MMRN2: variants seen among roughly 807,000 people sequenced by gnomAD.
MMRN2 encodes the protein multimerin-2.
Under a neutral mutation model 68.8 loss-of-function variants are expected in MMRN2, and 53 were observed. That is an observed-to-expected ratio of 0.77 (90% CI 0.62 to 0.97). The LOEUF (loss-of-function observed/expected upper bound fraction) is 0.97. Among genes scored for constraint, MMRN2 ranks in the 50% least tolerant of loss-of-function variants. The pLI, the probability that MMRN2 is intolerant of heterozygous loss-of-function variation, is 0.00. For synonymous variants in MMRN2, 564 were observed against 551.6 expected (o/e 1.02, Z -0.32); for missense variants, 1,266 against 1,259.5 (o/e 1.01, Z -0.08).
At position 86,942,746 on chromosome 10, in the gene MMRN2, G is replaced by A; in HGVS notation, c.2038C>T (p.Pro680Ser). 4 of 1,393,822 alleles carry A rather than the reference G, an allele frequency of 2.9e-6. No individual in the cohort carries two copies. Among genetic ancestry groups the A allele is most frequent in the Non-Finnish European group, 3.7e-6 (4 of 1,081,884 alleles). 86.3% of individuals were successfully genotyped at this position (1,393,822 alleles called of 1,614,324 possible). A position where few individuals can be genotyped will look rare whatever the true frequency, so the allele number is the denominator to read the frequency against. ...TCCTCGCGGCCCGCGTCGTGGCTGG[G>A]CTCCAGGTGCTCTGCCGGCCGCGGG... ...EPPRPAEHLEPSHDAGREEAA... is the reference protein window; with the variant it reads ...EPPRPAEHLESSHDAGREEAA... Residue 680 changes from proline (P) to serine (S), a missense_variant, in exon 6 of 7, where the codon CCC becomes TCC. Physicochemically the swap from Pro to Ser is moderately conservative, Grantham distance 74. Transcript: ENST00000372027.
In MMRN2 at chr10:86,943,415, T is replaced by A. The variant is rs1396964301; in HGVS notation, c.1369A>T (p.Met457Leu). The change falls in exon 6 of 7, where the codon ATG becomes TTG. Residue 457 changes from methionine (M) to leucine (L), a missense_variant. By Grantham distance (15) the Met-to-Leu change is conservative. Coordinates refer to ENST00000372027, the MANE Select transcript of MMRN2 (RefSeq NM_024756.3). This position sits in a 1 kb window ranked among gnomAD's most constrained non-coding sequence, Gnocchi z 4.2. ...TCCACCTCCTCCTTGTTCTCCTCCA[T>A]GATCAGAGACTTCTCCATCAGGATC... ...RVILMEKSLI[M>L]EENKEEVERQ... 1.5e-5 allele frequency: 25 copies of A among 1,613,996 alleles called. No homozygotes were observed. Among genetic ancestry groups the A allele is most frequent in the Non-Finnish European group, 2.0e-5 (24 of 1,179,994 alleles).
chr10:86,950,692 A>G (rs1179053193), intron 1 of MMRN2, among the ~76,000 whole-genome samples: 3 of 152,172 alleles, frequency 2.0e-5, no homozygotes, highest in African/African-American at 7.2e-5. Flanking sequence ...GAATGAGTGT[A>G]GAGAGCAGAT....
In MMRN2 at chr10:86,942,539, G is replaced by A. The variant is rs776475051; in HGVS notation, c.2245C>T (p.Arg749Trp). 5 of 1,613,496 alleles carry A rather than the reference G, an allele frequency of 3.1e-6. No individual in the cohort carries two copies. In the South Asian group the frequency reaches 4.4e-5, roughly 14 times the overall value. The change falls in exon 6 of 7, where the codon CGG (arginine) becomes TGG (tryptophan). Residue 749 changes from arginine (R) to tryptophan (W), a missense_variant. Physicochemically the swap from Arg to Trp is moderately radical, Grantham distance 101. Coordinates refer to ENST00000372027, the MANE Select transcript of MMRN2 (RefSeq NM_024756.3). ...TTCCCAAAGAGGCTGTGGAAGAGCC[G>A]CTGGTGCTGCTCCAAGCTGCGCTGA... ...ATQRSLEQHQRLFHSLFGNFQ... is the reference protein window; with the variant it reads ...ATQRSLEQHQWLFHSLFGNFQ...
At chr10:86,941,508 T>C (rs1029769818) in intron 6 of MMRN2, among the ~76,000 whole-genome samples, 1 of 152,010 alleles carries the variant, frequency 6.6e-6, no homozygotes. Flanking sequence ...TGCAAGAAAC[T>C]GAAATCAAGG....
At chr10:86,942,029 A>G (rs1843978661) in intron 6 of MMRN2, among the ~76,000 whole-genome samples, 1 of 152,066 alleles carries the variant, frequency 6.6e-6, no homozygotes, top group South Asian at 2.1e-4. Flanking sequence ...CCCTCTCTGT[A>G]GCAGGAGCAG....
chr10:86,941,706 G>A (rs1482714764), intron 6 of MMRN2, among the ~76,000 whole-genome samples: 3 of 151,250 alleles, frequency 2.0e-5, no homozygotes, highest in Non-Finnish European at 4.4e-5. Context: ...GGCTGAAGTG[G>A]GAGGATCAGC....
chr10:86,947,496 G>A (rs1461123347), intron 1 of MMRN2, among the ~76,000 whole-genome samples: 1 of 151,976 alleles, frequency 6.6e-6, no homozygotes, highest in Middle Eastern at 3.2e-3. Flanking sequence ...AGCCTCCCAA[G>A]TGGGCTGGGA....
chr10:86,947,863 C>A (rs1217812711), intron 1 of MMRN2, among the ~76,000 whole-genome samples: 1 of 152,176 alleles, frequency 6.6e-6, no homozygotes, highest in Non-Finnish European at 1.5e-5. Flanking sequence ...TATTCATACA[C>A]CCCAGCTTCC....
chr10:86,935,615 C>T lies in MMRN2; in HGVS notation c.*1128G>A, dbSNP rs1227870442. The T allele has an allele frequency of 6.6e-6, 1 of 152,208 alleles. No individual in the cohort carries two copies. The highest frequency in any genetic ancestry group is 1.9e-4 in the East Asian group (1 of 5,196). The allele number at this position is 152,208 out of a possible 1,614,324, so 9.4% of individuals were successfully genotyped here. ...TTACAGTCTTCTTTCCCTCCTCCCT[C>T]AGCTGCCTCCTGGTTAGAGATGCTA... On this transcript the variant is annotated 3_prime_UTR_variant, in exon 7 of 7. Coordinates refer to ENST00000372027, the MANE Select transcript of MMRN2 (RefSeq NM_024756.3).
intron 6 of MMRN2, among the ~76,000 whole-genome samples, chr10:86,939,731 C>T (rs1252011552): frequency 1.3e-5 from 2 of 151,898 alleles, no homozygotes; most frequent in Non-Finnish European, 2.9e-5. Context: ...GCTGTGCAAA[C>T]TCAGAGTGTG....
rs780740666 is a variant in MMRN2 at position 86,942,731 on chromosome 10, C to T, written c.2053G>A (p.Gly685Ser). Reference protein sequence around the residue: ...AEHLEPSHDAGREEAATTALA... With the variant: ...AEHLEPSHDASREEAATTALA... ...GCGGTGGTGGCGGCCTCCTCGCGGCCCGCGTCGTGGCTGGGCTCCAGGTGC... is the reference window on the plus strand; with the variant it reads ...GCGGTGGTGGCGGCCTCCTCGCGGCTCGCGTCGTGGCTGGGCTCCAGGTGC... The change falls in exon 6 of 7, where the codon GGC (glycine) becomes AGC (serine). Residue 685 changes from glycine (G) to serine (S), a missense_variant. Transcript: ENST00000372027. 15 of 1,430,000 alleles carry T rather than the reference C, an allele frequency of 1.0e-5. No individual in the cohort carries two copies. Among genetic ancestry groups the T allele is most frequent in the South Asian group, 1.5e-5 (1 of 67,056 alleles). The allele number at this position is 1,430,000 out of a possible 1,614,324, so 88.6% of individuals were successfully genotyped here. A position where few individuals can be genotyped will look rare whatever the true frequency, so the allele number is the denominator to read the frequency against.
At chr10:86,952,839 T>G (rs1844163550) in intron 1 of MMRN2, among the ~76,000 whole-genome samples, 1 of 152,168 alleles carries the variant, frequency 6.6e-6, no homozygotes, top group Admixed American at 6.5e-5. Flanking sequence ...CTGGTAAGCC[T>G]GAGGGTACTG....
chr10:86,952,626 G>T (rs1460101288), intron 1 of MMRN2, among the ~76,000 whole-genome samples: 1 of 152,186 alleles, frequency 6.6e-6, no homozygotes. Context: ...CAGGGAGTAG[G>T]TCACATGCTT....
intron 6 of MMRN2, among the ~76,000 whole-genome samples, chr10:86,937,918 G>A (rs1018899515): frequency 3.3e-5 from 5 of 152,034 alleles, no homozygotes; most frequent in African/African-American, 9.7e-5. Context: ...TGGAGCCAGG[G>A]AAGAGAAGCC....
chr10:86,956,859 T>G (rs1844243108), intron 1 of MMRN2, among the ~76,000 whole-genome samples: 1 of 152,214 alleles, frequency 6.6e-6, no homozygotes, highest in Non-Finnish European at 1.5e-5. Context: ...CTGGGTCCAG[T>G]TGCAAGACCA....
chr10:86,945,760 A>G (rs1844058445), intron 1 of MMRN2, 71 bp from the exon 2 acceptor site: 1 of 1,606,528 alleles, frequency 6.2e-7, no homozygotes, highest in African/African-American at 1.3e-5. Flanking sequence ...GTGCAGAGCC[A>G]CCGGTCCTCG....
Position 86,945,245 on chromosome 10 carries a change from C to G in MMRN2, c.424G>C (p.Ala142Pro), listed in dbSNP as rs374953838. The G allele has an allele frequency of 3.1e-6, 5 of 1,613,732 alleles. No homozygotes were observed. The African/African-American group carries it at 6.7e-5, about 22-fold the overall frequency. The change falls in exon 4 of 7, where the codon GCA (alanine) becomes CCA (proline). Residue 142 changes from alanine (A) to proline (P), a missense_variant. Ala to Pro is a conservative substitution (Grantham distance 27). Coordinates refer to ENST00000372027, the MANE Select transcript of MMRN2 (RefSeq NM_024756.3). ...TCCTGGTGGCTGTCACCAGGATCTG[C>G]AGGCTCAGGGATTGCCATGGAATCT... ...HHDSMAIPEP[A>P]DPGDSHQEPQ...
At chr10:86,952,309 C>T (rs1009570699) in intron 1 of MMRN2, among the ~76,000 whole-genome samples, 1 of 152,186 alleles carries the variant, frequency 6.6e-6, no homozygotes, top group Non-Finnish European at 1.5e-5. Flanking sequence ...AAGGCGCTGG[C>T]CCCAGAGCTC....
chr10:86,951,351 G>C (rs1037646348), intron 1 of MMRN2, among the ~76,000 whole-genome samples: 1 of 152,210 alleles, frequency 6.6e-6, no homozygotes, highest in Admixed American at 6.5e-5. Flanking sequence ...TCAGGGCCCA[G>C]TGCAAAATGA....
Sources: allele counts gnomAD v4.1 joint callset (sites outside exome capture counted in the v4.1 genomes callset), GRCh38; gene constraint gnomAD v4.1.1; non-coding constraint Gnocchi (gnomAD v3.1); transcripts MANE v1.5; gene names NCBI Gene and HGNC (gene_info 2026-07-23, HGNC 2026-07-21).